Variants in PLVAP observed in about 807,000 individuals in gnomAD.
PLVAP encodes plasmalemma vesicle-associated protein.
Under a neutral mutation model 43.1 loss-of-function variants are expected in PLVAP, and 34 were observed. The ratio of observed to expected loss-of-function variants is 0.79; its 90% CI spans 0.60 to 1.05. PLVAP has a LOEUF of 1.05. PLVAP is among the 50% of genes least tolerant of loss of function. The pLI, the probability that PLVAP is intolerant of heterozygous loss-of-function variation, is 0.00. For missense variants in PLVAP, 574 were observed against 593.4 expected (o/e 0.97, Z 0.34); for synonymous variants, 241 against 237.3 (o/e 1.02, Z -0.14).
At chr19:17,356,360 C>A (rs1054285755) in intron 5 of PLVAP, among the ~76,000 whole-genome samples, 3 of 152,110 alleles carry the variant, frequency 2.0e-5, no homozygotes, top group Admixed American at 6.6e-5. Context: ...CACGCCGAAG[C>A]CCAGCTGATG....
Position 17,351,540 on chromosome 19 carries a change from C to T in PLVAP, c.*822G>A, listed in dbSNP as rs1367520568. The T allele has an allele frequency of 1.3e-5, 2 of 152,286 alleles. No individual in the cohort carries two copies. The highest frequency in any genetic ancestry group is 2.9e-5 in the Non-Finnish European group (2 of 68,084). The allele number at this position is 152,286 out of a possible 1,614,324, so 9.4% of individuals were successfully genotyped here. A position where few individuals can be genotyped will look rare whatever the true frequency, so the allele number is the denominator to read the frequency against. ...GGAGTTGGGGGAGAAGGAGTGGCTCCCCTCCCGACAACAGGTGACCCTCAC... is the reference window on the plus strand; with the variant it reads ...GGAGTTGGGGGAGAAGGAGTGGCTCTCCTCCCGACAACAGGTGACCCTCAC... On this transcript the variant is annotated 3_prime_UTR_variant, in exon 6 of 6. Transcript: ENST00000252590.
At position 17,366,151 on chromosome 19, in the gene PLVAP, C is replaced by T. The variant is rs2074549241; in HGVS notation, c.414G>A (p.Leu138=). 6.2e-7 allele frequency: 1 copy of T among 1,614,006 alleles called. No individual in the cohort carries two copies. The highest frequency in any genetic ancestry group is 8.5e-7 in the Non-Finnish European group (1 of 1,180,022). Residue 138 remains leucine, a synonymous_variant, in exon 2 of 6, where the codon TTG becomes TTA. Transcript: ENST00000252590. The stretch of plus-strand genomic sequence containing the variant: ...ATTGATCTCTGCATTGCTTCTCACT[C>T]AAGATGATGGCAGCCATGTACCTCT... ...NNQRYMAAII[L]SEKQCRDQFK...
At chr19:17,354,634 C>CA (rs2074499144) in intron 5 of PLVAP, among the ~76,000 whole-genome samples, 1 of 146,836 alleles carries the variant, frequency 6.8e-6, no homozygotes, top group African/African-American at 2.6e-5. Context: ...CGCTGTGACT[C>CA]ACACCTGTAA....
chr19:17,376,216 G>A (rs1050901198), intron 1 of PLVAP, among the ~76,000 whole-genome samples: 2 of 152,038 alleles, frequency 1.3e-5, no homozygotes, highest in Non-Finnish European at 2.9e-5. Flanking sequence ...TTAGCTGGAC[G>A]CAGTGCCCCA....
At chr19:17,371,853 A>G (rs1228589927) in intron 1 of PLVAP, among the ~76,000 whole-genome samples, 3 of 152,222 alleles carry the variant, frequency 2.0e-5, no homozygotes, top group East Asian at 3.8e-4. Flanking sequence ...ACTTTGGAAG[A>G]GAACCCTCTG....
chr19:17,362,233 C>G (rs1246455154), intron 3 of PLVAP: 1 of 152,310 alleles, frequency 6.6e-6, no homozygotes, highest in Non-Finnish European at 1.5e-5. Context: ...AACCCACCCT[C>G]AGTTCCAATC....
chr19:17,356,371 T>C (rs11671286), intron 5 of PLVAP, among the ~76,000 whole-genome samples: 60,570 of 152,048 alleles, frequency 0.4, 14,766 homozygotes, highest in African/African-American at 0.7. Context: ...CCAGCTGATG[T>C]GGGGCCCTGC....
intron 5 of PLVAP, 88 bp downstream of exon 5, chr19:17,360,440 G>T: frequency 7.3e-7 from 1 of 1,376,062 alleles, no homozygotes; most frequent in Non-Finnish European, 1.0e-6. Flanking sequence ...AAGCAAGTGT[G>T]AGATCAGCCT....
intron 1 of PLVAP, among the ~76,000 whole-genome samples, chr19:17,374,018 C>T (rs1024471361): frequency 6.6e-6 from 1 of 151,928 alleles, no homozygotes; most frequent in East Asian, 1.9e-4. Context: ...AAAACTTAGC[C>T]GGGCATGGTG....
chr19:17,376,292 C>T (rs1303726746), intron 1 of PLVAP, among the ~76,000 whole-genome samples: 2 of 152,100 alleles, frequency 1.3e-5, no homozygotes, highest in Admixed American at 1.3e-4. Flanking sequence ...GAGTTCGAGA[C>T]TAGCCTGGGC....
chr19:17,377,034 G>T lies in PLVAP; in HGVS notation c.255C>A (p.Thr85=), dbSNP rs1227657470. Residue 85 remains threonine (T), a synonymous_variant, in exon 1 of 6, where the codon ACC becomes ACA. Coordinates refer to ENST00000252590, the MANE Select transcript of PLVAP (RefSeq NM_031310.3). ...CGCGGGTGGTGAAGTTGAGCTCCTT[G>T]GTCAAGTTGGACTGGGAGGCCGTGA... ...LGLTASQSNL[T]KELNFTTRAK... 6.2e-7 allele frequency: 1 copy of T among 1,613,946 alleles called. No homozygotes were observed. Among genetic ancestry groups the T allele is most frequent in the Non-Finnish European group, 8.5e-7 (1 of 1,180,010 alleles).
Position 17,377,150 on chromosome 19 carries a change from TGA to T in PLVAP, c.137_138del (p.Phe46TyrfsTer76). The T allele has an allele frequency of 6.2e-7, 1 of 1,613,780 alleles. No homozygotes were observed. Among genetic ancestry groups the T allele is most frequent in the Non-Finnish European group, 8.5e-7 (1 of 1,179,930 alleles). ...CTCACGTGCACGTTGCCATAGACCA[TGA>T]AGAGCACGAGCCCCAGGATGATGAG... is the stretch of plus-strand genomic sequence containing the variant. ...QFLIILGLVLFMVYGNVHVST... is the reference protein window; with the variant it reads ...QFLIILGLVLXMVYGNVHVST... On this transcript the variant is annotated frameshift_variant, in exon 1 of 6. Transcript: ENST00000252590. LOFTEE classifies it high-confidence loss of function.
chr19:17,364,181 G>T (rs189221927), intron 3 of PLVAP, among the ~76,000 whole-genome samples: 143 of 152,084 alleles, frequency 9.4e-4, no homozygotes, highest in African/African-American at 3.3e-3. Context: ...TGTCTCCTGG[G>T]TTCAAGAGAT....
chr19:17,360,437 T>G (rs1441141155), intron 5 of PLVAP, 91 bp downstream of exon 5: 1 of 1,344,972 alleles, frequency 7.4e-7, no homozygotes, highest in African/African-American at 1.4e-5. Flanking sequence ...AAGAAGCAAG[T>G]GTGAGATCAG....
chr19:17,366,628 C>CTT (rs11459938), intron 1 of PLVAP, among the ~76,000 whole-genome samples: 11,336 of 144,268 alleles, frequency 0.079, 592 homozygotes, highest in East Asian at 0.18. Context: ...AACTGAATTT[C>CTT]TTTTTTTTTT....
At chr19:17,373,032 C>T (rs1347335508) in intron 1 of PLVAP, among the ~76,000 whole-genome samples, 1 of 139,162 alleles carries the variant, frequency 7.2e-6, no homozygotes, top group Non-Finnish European at 1.5e-5. Context: ...CGCCATTGCA[C>T]CCCAGCCTTG....
At chr19:17,376,807 G>A in intron 1 of PLVAP, 113 bp downstream of exon 1, 1 of 1,086,890 alleles carries the variant, frequency 9.2e-7, no homozygotes. Context: ...CATAAGAAAA[G>A]AGAGCATTGG....
intron 1 of PLVAP, among the ~76,000 whole-genome samples, chr19:17,372,858 T>C (rs929782259): frequency 6.7e-6 from 1 of 148,436 alleles, no homozygotes; most frequent in Non-Finnish European, 1.5e-5. Context: ...GTCAGGAAAT[T>C]GAGGCCATCC....
At chr19:17,370,763 A>T (rs1205449572) in intron 1 of PLVAP, among the ~76,000 whole-genome samples, 1 of 152,178 alleles carries the variant, frequency 6.6e-6, no homozygotes, top group East Asian at 1.9e-4. Context: ...TTTACAAAAA[A>T]ATCATCAAAT....
Sources: allele counts gnomAD v4.1 joint callset (sites outside exome capture counted in the v4.1 genomes callset), GRCh38; gene constraint gnomAD v4.1.1; transcripts MANE v1.5; gene names NCBI Gene and HGNC (gene_info 2026-07-23, HGNC 2026-07-21).